LSAMP: variants seen among roughly 807,000 people sequenced by gnomAD.
LSAMP encodes limbic system associated membrane protein.
In LSAMP, 7 loss-of-function variants were observed where a neutral mutation model predicts 38.6. That is an observed-to-expected ratio of 0.18 (90% CI 0.10 to 0.34). LSAMP has a LOEUF of 0.34. LSAMP is among the 10% of genes least tolerant of loss of function. The probability of loss-of-function intolerance (pLI) is 1.00; values close to 1 mark genes in which losing one functional copy is unlikely to be tolerated. For missense variants in LSAMP, 313 were observed against 420.0 expected (o/e 0.75, Z 2.23); for synonymous variants, 154 against 166.8 (o/e 0.92, Z 0.59).
At chr3:116,045,537 G>C (rs1326731203) in intron 2 of LSAMP, among the ~76,000 whole-genome samples, 4 of 132,756 alleles carry the variant, frequency 3.0e-5, no homozygotes, top group Non-Finnish European at 6.3e-5. Flanking sequence ...TTGGGTGGAG[G>C]TGGTAAAAAA....
At position 116,195,040 on chromosome 3, in the gene LSAMP, A is replaced by T. The variant is rs7641198; in HGVS notation, c.156-108484T>A. ...TCCCCTGCCAACTGGGTTCATTCAG[A>T]GAGATGTGCTAACAGAAAACTAGAG... On this transcript the variant is annotated intron_variant, in intron 1 of 6. Coordinates refer to ENST00000490035, the MANE Select transcript of LSAMP (RefSeq NM_002338.5). 1.8e-4 allele frequency among the ~76,000 whole-genome samples: 27 copies of T among 152,158 alleles called. No homozygotes were observed. The South Asian group carries it at 3.9e-3, about 22-fold the overall frequency.
chr3:116,445,132 C>A lies in LSAMP; in HGVS notation c.-101G>T, dbSNP rs2049493841. On this transcript the variant is annotated 5_prime_UTR_variant, in exon 1 of 7. Coordinates refer to ENST00000490035, the MANE Select transcript of LSAMP (RefSeq NM_002338.5). ...ACACGGGGCTTTCATCCACAGCGAG[C>A]GCAGAGCGGGCTTTGCCAGTTTATG... The A allele has an allele frequency of 1.0e-5, 13 of 1,255,678 alleles. No homozygotes were observed. In the East Asian group the frequency reaches 2.7e-4, roughly 26 times the overall value. The allele number at this position is 1,255,678 out of a possible 1,614,324, so 77.8% of individuals were successfully genotyped here.
intron 3 of LSAMP, among the ~76,000 whole-genome samples, chr3:115,929,333 T>C (rs547378634): frequency 6.6e-6 from 1 of 152,294 alleles, no homozygotes; most frequent in East Asian, 1.9e-4. Flanking sequence ...AAAGGATTGG[T>C]GAGAACTATA....
chr3:115,835,883 A>T (rs1156519726), intron 6 of LSAMP, among the ~76,000 whole-genome samples: 1 of 152,234 alleles, frequency 6.6e-6, no homozygotes, highest in Non-Finnish European at 1.5e-5. Context: ...TGTCAAGTAG[A>T]AAAATGGTTT....
At chr3:116,067,942 C>T (rs761771421) in intron 2 of LSAMP, among the ~76,000 whole-genome samples, 25 of 152,032 alleles carry the variant, frequency 1.6e-4, no homozygotes, top group Non-Finnish European at 2.9e-4. Flanking sequence ...CGATTGAAAA[C>T]TATTGACCCT....
chr3:116,007,102 A>T (rs919674069), intron 3 of LSAMP, among the ~76,000 whole-genome samples: 3 of 152,180 alleles, frequency 2.0e-5, no homozygotes, highest in African/African-American at 7.2e-5. Flanking sequence ...GAATTATTGA[A>T]GTTTTTTTTT....
intron 1 of LSAMP, among the ~76,000 whole-genome samples, chr3:116,292,397 A>G (rs1032756487): frequency 1.2e-4 from 19 of 152,160 alleles, no homozygotes; most frequent in Non-Finnish European, 2.4e-4. Context: ...ATTAATAAAT[A>G]AGGATAAATG....
rs1933614394 is a variant in LSAMP, at chr3:115,805,677, C to T, written c.*4640G>A. 1 of 152,176 alleles carries T rather than the reference C, an allele frequency of 6.6e-6. No individual in the cohort carries two copies. The highest frequency in any genetic ancestry group is 1.5e-5 in the Non-Finnish European group (1 of 68,032). The allele number at this position is 152,176 out of a possible 1,614,324, so 9.4% of individuals were successfully genotyped here. Reference sequence around the variant, plus strand: ...CTTGCCAAGAGAAAAGTGAGATGTACATGCTGGGTGAAAACAAATTCTTTC... The same window carrying T: ...CTTGCCAAGAGAAAAGTGAGATGTATATGCTGGGTGAAAACAAATTCTTTC... On this transcript the variant is annotated 3_prime_UTR_variant, in exon 7 of 7. Transcript: ENST00000490035.
intron 1 of LSAMP, among the ~76,000 whole-genome samples, chr3:116,092,891 C>T (rs966707229): frequency 5.3e-5 from 8 of 152,154 alleles, no homozygotes; most frequent in Non-Finnish European, 2.9e-5. Flanking sequence ...CTGCTGGACA[C>T]ATTTCATATT....
intron 1 of LSAMP, among the ~76,000 whole-genome samples, chr3:116,319,955 C>T (rs905634920): frequency 1.3e-5 from 2 of 151,996 alleles, no homozygotes; most frequent in Non-Finnish European, 2.9e-5. Context: ...TTTTTTCCTC[C>T]TTTAAATGTG....
chr3:115,863,167 G>T (rs10934310), intron 3 of LSAMP, among the ~76,000 whole-genome samples: 1 of 152,014 alleles, frequency 6.6e-6, no homozygotes, highest in African/African-American at 2.4e-5. Context: ...TTTAAAAAGC[G>T]CTGCATGAGG....
rs1004329651 is a variant in LSAMP, at chr3:116,078,482, C to T, written c.388+7842G>A. ...TGGGACTACAGGTGCCCGCCACCAA[C>T]ACCCAGCTAAGTTTTTTGTATTTTT... On this transcript the variant is annotated intron_variant, in intron 2 of 6. Coordinates refer to ENST00000490035, the MANE Select transcript of LSAMP (RefSeq NM_002338.5). 2.6e-5 allele frequency among the ~76,000 whole-genome samples: 4 copies of T among 151,826 alleles called. No individual in the cohort carries two copies. In the South Asian group the frequency reaches 6.3e-4, roughly 24 times the overall value.
intron 1 of LSAMP, among the ~76,000 whole-genome samples, chr3:116,172,693 G>A (rs2107555552): frequency 6.6e-6 from 1 of 152,016 alleles, no homozygotes; most frequent in East Asian, 1.9e-4. Context: ...TCATGTTGTT[G>A]AGAGGATGTG....
chr3:115,899,379 G>C (rs1238053746), intron 3 of LSAMP, among the ~76,000 whole-genome samples: 1 of 152,078 alleles, frequency 6.6e-6, no homozygotes, highest in Non-Finnish European at 1.5e-5. Flanking sequence ...ATAAAGAAAG[G>C]ATGCTTTAGT....
rs79304653 is a variant in LSAMP at position 116,419,005 on chromosome 3, C to A, written c.155+25872G>T. ...TCTCCCCAACATATCTGTTCTTATT[C>A]CTTTTAACCATCATAGGCAAACTGT... On this transcript the variant is annotated intron_variant, in intron 1 of 6. Coordinates refer to ENST00000490035, the MANE Select transcript of LSAMP (RefSeq NM_002338.5). Among the ~76,000 whole-genome samples the A allele has an allele frequency of 2.0e-3, 312 of 152,280 alleles. 10 individuals are homozygous for A. The East Asian group carries it at 0.046, about 22-fold the overall frequency.
At chr3:116,286,178 T>C (rs1409732025) in intron 1 of LSAMP, among the ~76,000 whole-genome samples, 1 of 152,174 alleles carries the variant, frequency 6.6e-6, no homozygotes, top group Non-Finnish European at 1.5e-5. Context: ...GCAATGCATA[T>C]GGAATATACT....
intron 1 of LSAMP, among the ~76,000 whole-genome samples, chr3:116,299,090 G>A (rs2047372883): frequency 6.6e-6 from 1 of 152,194 alleles, no homozygotes; most frequent in South Asian, 2.1e-4. Flanking sequence ...TAAGCAATGA[G>A]CTGAAAGTTG....
chr3:116,285,074 G>C (rs1334929248), intron 1 of LSAMP, among the ~76,000 whole-genome samples: 1 of 152,132 alleles, frequency 6.6e-6, no homozygotes, highest in Non-Finnish European at 1.5e-5. Context: ...AAATCTCAAA[G>C]TCAAGACTGA....
rs1314635336 is a variant in LSAMP at position 115,966,311 on chromosome 3, G to C, written c.514+53204C>G. Among the ~76,000 whole-genome samples the C allele has an allele frequency of 2.6e-5, 4 of 152,184 alleles. No homozygotes were observed. The East Asian group carries it at 7.7e-4, about 29-fold the overall frequency. ...ATGAAGCCTTGATCTCGACACTGTG[G>C]AGTGCCTTACCATCTCTGGAATAAC... On this transcript the variant is annotated intron_variant, in intron 3 of 6. Coordinates refer to ENST00000490035, the MANE Select transcript of LSAMP (RefSeq NM_002338.5).
Sources: allele counts gnomAD v4.1 joint callset (sites outside exome capture counted in the v4.1 genomes callset), GRCh38; gene constraint gnomAD v4.1.1; transcripts MANE v1.5; gene names NCBI Gene and HGNC (gene_info 2026-07-23, HGNC 2026-07-21).